TTC28: variants seen among roughly 807,000 people sequenced by gnomAD.
TTC28 encodes the protein tetratricopeptide repeat protein 28.
In TTC28, 61 loss-of-function variants were observed where a neutral mutation model predicts 198.0. That is an observed-to-expected ratio of 0.31 (90% CI 0.25 to 0.38). The LOEUF (loss-of-function observed/expected upper bound fraction) is 0.38, where lower values mean the gene tolerates loss of function less well. Among genes scored for constraint, TTC28 ranks in the 10% least tolerant of loss-of-function variants. The probability of loss-of-function intolerance (pLI) is 1.00; values close to 1 mark genes in which losing one functional copy is unlikely to be tolerated. For missense variants in TTC28, 2,678 were observed against 3,164.0 expected, an observed-to-expected ratio of 0.85 and a Z score of 3.69; for synonymous variants, 1,171 against 1,297.8, an observed-to-expected ratio of 0.90 and a Z score of 2.10.
intron 2 of TTC28, among the ~76,000 whole-genome samples, chr22:28,484,345 C>A (rs916867701): frequency 6.6e-6 from 1 of 152,166 alleles, no homozygotes; most frequent in South Asian, 2.1e-4. Flanking sequence ...CTCCTGTACT[C>A]AAGGCATCCT....
chr22:28,232,735 TATGA>T (rs1334083150), intron 5 of TTC28: 1 of 152,212 alleles, frequency 6.6e-6, no homozygotes, highest in African/African-American at 2.4e-5. Flanking sequence ...CTTGCAGGTT[TATGA>T]ATAGTTTTTC....
intron 1 of TTC28, among the ~76,000 whole-genome samples, chr22:28,652,939 A>G (rs2051586156): frequency 1.3e-5 from 2 of 152,194 alleles, no homozygotes; most frequent in African/African-American, 2.4e-5. Context: ...ATGCCACTTT[A>G]TATCATTTCC....
intron 12 of TTC28, among the ~76,000 whole-genome samples, chr22:28,070,057 A>G (rs1940909450): frequency 6.6e-6 from 1 of 152,096 alleles, no homozygotes; most frequent in African/African-American, 2.4e-5. Flanking sequence ...TTTTGCCTGT[A>G]TATAGTCAGA....
chr22:28,328,037 A>T (rs1313706979), intron 2 of TTC28, among the ~76,000 whole-genome samples: 1 of 152,242 alleles, frequency 6.6e-6, no homozygotes, highest in Non-Finnish European at 1.5e-5. Context: ...AGAGACAGGG[A>T]GTAAACACAC....
At chr22:28,579,647 T>C (rs1472189967) in intron 2 of TTC28, among the ~76,000 whole-genome samples, 2 of 151,408 alleles carry the variant, frequency 1.3e-5, no homozygotes, top group Non-Finnish European at 2.9e-5. Flanking sequence ...TGTGTGTGTG[T>C]ATAAATACAC....
chr22:28,362,094 C>T (rs746692627), intron 2 of TTC28, among the ~76,000 whole-genome samples: 95 of 152,294 alleles, frequency 6.2e-4, no homozygotes, highest in Non-Finnish European at 1.1e-3. Flanking sequence ...CTGAAGCCCA[C>T]AAATCATGGA....
At chr22:28,085,941 C>A (rs1941575566) in intron 12 of TTC28, among the ~76,000 whole-genome samples, 1 of 152,142 alleles carries the variant, frequency 6.6e-6, no homozygotes, top group Non-Finnish European at 1.5e-5. Flanking sequence ...GTAAAGGGAT[C>A]AATTCAACAA....
intron 12 of TTC28, among the ~76,000 whole-genome samples, chr22:28,044,975 T>C (rs1435309488): frequency 3.3e-5 from 5 of 152,214 alleles, no homozygotes; most frequent in African/African-American, 9.6e-5. Context: ...GTTAGCTCAA[T>C]AGCCTGTGTG....
At chr22:28,298,124 A>T (rs1239044982) in intron 3 of TTC28, among the ~76,000 whole-genome samples, 1 of 152,006 alleles carries the variant, frequency 6.6e-6, no homozygotes, top group Non-Finnish European at 1.5e-5. Context: ...CTTTCCCTGA[A>T]TAGTTCCCTC....
rs564125716 is a variant in TTC28, at chr22:28,614,890, A to C, written c.381+14662T>G. Among the ~76,000 whole-genome samples, 3 of 152,316 alleles carry C rather than the reference A, an allele frequency of 2.0e-5. No homozygotes were observed. In the South Asian group the frequency reaches 6.2e-4, roughly 32 times the overall value. ...ATTTAAGACATAGGCTTCGGCAAAG[A>C]CTTCATGATTTAAACACCAAAAGCA... On this transcript the variant is annotated intron_variant, in intron 2 of 22. Transcript: ENST00000397906.
chr22:28,365,706 G>A (rs1458972397), intron 2 of TTC28, among the ~76,000 whole-genome samples: 1 of 152,188 alleles, frequency 6.6e-6, no homozygotes, highest in African/African-American at 2.4e-5. Context: ...ATTAACACAT[G>A]TACACATGCA....
chr22:28,442,354 A>G (rs927434146), intron 2 of TTC28, among the ~76,000 whole-genome samples: 2 of 152,252 alleles, frequency 1.3e-5, no homozygotes, highest in African/African-American at 4.8e-5. Flanking sequence ...CTCAGGCAGG[A>G]GGCCTCTCGG....
intron 13 of TTC28, among the ~76,000 whole-genome samples, chr22:28,018,328 G>A (rs1304838945): frequency 6.8e-6 from 1 of 146,036 alleles, no homozygotes; most frequent in Non-Finnish European, 1.5e-5. Context: ...CGGGGAACCT[G>A]TCCCTAGAGA....
At chr22:28,392,088 G>T (rs940098562) in intron 2 of TTC28, among the ~76,000 whole-genome samples, 2 of 152,192 alleles carry the variant, frequency 1.3e-5, no homozygotes, top group Non-Finnish European at 2.9e-5. Context: ...CAGGTCTGTT[G>T]GAGTACCTGG....
rs755114255 is a variant in TTC28, at chr22:28,014,375, G to A, written c.4091C>T (p.Thr1364Met). The A allele has an allele frequency of 5.2e-5, 80 of 1,550,698 alleles. 1 individual carries two copies. Among genetic ancestry groups the A allele is most frequent in the East Asian group, 3.7e-4 (15 of 40,894 alleles). ...NLFNRSCQSM[T>M]SLFSNTVSPT... is the part of the protein sequence containing the mutation. Reference sequence around the variant, plus strand: ...TGACACAGTGTTACTGAACAGGCTCGTCATGCTCTGGCAGCTCCTGGGGAG... The same window carrying A: ...TGACACAGTGTTACTGAACAGGCTCATCATGCTCTGGCAGCTCCTGGGGAG... Residue 1364 changes from threonine to methionine, a missense_variant, in exon 14 of 23, where the codon ACG (threonine) becomes ATG (methionine). By Grantham distance (81) the Thr-to-Met change is moderately conservative. Transcript: ENST00000397906.
chr22:28,049,290 C>G (rs755916026), intron 12 of TTC28, among the ~76,000 whole-genome samples: 5 of 152,172 alleles, frequency 3.3e-5, no homozygotes, highest in African/African-American at 1.2e-4. Context: ...TACAGGTTAA[C>G]TTCTATCCCC....
intron 2 of TTC28, among the ~76,000 whole-genome samples, chr22:28,553,939 A>G (rs1398341327): frequency 6.6e-6 from 1 of 152,202 alleles, no homozygotes. Context: ...AAAGGGGGGA[A>G]AGGTGGGGAA....
At chr22:28,654,608 G>A (rs376969915) in intron 1 of TTC28, among the ~76,000 whole-genome samples, 4 of 152,142 alleles carry the variant, frequency 2.6e-5, no homozygotes, top group Non-Finnish European at 4.4e-5. Flanking sequence ...GATTACAGGC[G>A]TGAGCCACCA....
chr22:28,310,135 A>AACAC (rs751276999), intron 2 of TTC28, among the ~76,000 whole-genome samples: 4 of 73,278 alleles, frequency 5.5e-5, no homozygotes, highest in Non-Finnish European at 1.2e-4. Context: ...TGTGACACAT[A>AACAC]ACACACACAC....
Sources: gnomAD v4.1 joint callset for allele counts (sites outside exome capture counted in the v4.1 genomes callset) on GRCh38, gnomAD v4.1.1 for gene constraint, MANE v1.5 for transcripts, NCBI Gene and HGNC (gene_info 2026-07-23, HGNC 2026-07-21) for gene names.